The following SLITRK3 variants were observed in gnomAD, a reference collection of about 807,000 sequenced individuals.
SLITRK3 encodes the protein SLIT and NTRK-like protein 3.
In SLITRK3, 16 loss-of-function variants were observed where a neutral mutation model predicts 63.6. That is an observed-to-expected ratio of 0.25 (90% CI 0.17 to 0.38). The LOEUF (loss-of-function observed/expected upper bound fraction) is 0.38. Ranked by LOEUF, SLITRK3 falls within the 10% of genes least tolerant of loss-of-function variation. The pLI is 1.00. For missense variants in SLITRK3, 1,117 were observed against 1,181.4 expected, an observed-to-expected ratio of 0.95 and a Z score of 0.80; for synonymous variants, 547 against 451.6, an observed-to-expected ratio of 1.21 and a Z score of -2.68.
Position 165,189,317 on chromosome 3 carries a change from T to C in SLITRK3, c.1514A>G (p.Asn505Ser), listed in dbSNP as rs774822208. 15 of 1,614,074 alleles carry C rather than the reference T, an allele frequency of 9.3e-6. No homozygotes were observed. Among genetic ancestry groups the C allele is most frequent in the African/African-American group, 4.0e-5 (3 of 74,938 alleles). The change falls in exon 2 of 2, where the codon AAC (asparagine) becomes AGC (serine). Residue 505 changes from asparagine to serine, a missense_variant. Around this residue, in one of 4 missense-constraint regions of SLITRK3, gnomAD observed 158 missense variants for 197.2 expected, o/e 0.80. Transcript: ENST00000475390. This position sits in a 1 kb window ranked among gnomAD's most constrained non-coding sequence, Gnocchi z 4.0. ...ATTATTGAGGAATAGCAGCTTCAAG[T>C]TGGGCATGAGGCTGAAGGCTGCAGG... ...IQPAAFSLMP[N>S]LKLLFLNNNL...
intron 1 of SLITRK3, among the ~76,000 whole-genome samples, chr3:165,192,227 G>T (rs558133914): frequency 6.6e-6 from 1 of 151,922 alleles, no homozygotes; most frequent in African/African-American, 2.4e-5. Flanking sequence ...CATTACACTC[G>T]CCTATAATGT....
At position 165,188,957 on chromosome 3, in the gene SLITRK3, G is replaced by T. The variant is rs148619985; in HGVS notation, c.1874C>A (p.Ala625Asp). 235 of 1,614,020 alleles carry T rather than the reference G, an allele frequency of 1.5e-4. No individual in the cohort carries two copies. Among genetic ancestry groups the T allele is most frequent in the Non-Finnish European group, 1.9e-4 (220 of 1,180,010 alleles). The change falls in exon 2 of 2, where the codon GCC (alanine) becomes GAC (aspartate). Residue 625 changes from alanine (A) to aspartate (D), a missense_variant. Ala to Asp is a moderately radical substitution (Grantham distance 126). Coordinates refer to ENST00000475390, the MANE Select transcript of SLITRK3 (RefSeq NM_001318810.2). ...AATAAGGTGAGAATCTCCAGGCTGG[G>T]CTGGGGATTCTCCAGCTGGTGCAAC... Reference protein sequence around the residue: ...LHVAPAGESPAQPGDSHLIGA... With the variant: ...LHVAPAGESPDQPGDSHLIGA...
chr3:165,189,945 G>A lies in SLITRK3; in HGVS notation c.886C>T (p.Pro296Ser). 1.2e-6 allele frequency: 2 copies of A among 1,614,096 alleles called. No homozygotes were observed. Among genetic ancestry groups the A allele is most frequent in the Non-Finnish European group, 1.7e-6 (2 of 1,180,024 alleles). The change falls in exon 2 of 2, where the codon CCA becomes TCA. Residue 296 changes from proline to serine, a missense_variant. This residue lies in a region of SLITRK3 where 452 missense variants were observed against 495.3 expected (regional missense o/e 0.91). Coordinates refer to ENST00000475390, the MANE Select transcript of SLITRK3 (RefSeq NM_001318810.2). This position sits in a 1 kb window ranked among gnomAD's most constrained non-coding sequence, Gnocchi z 4.0. Reference sequence around the variant, plus strand: ...TTCTCCTTACTTGATGACGAATGTGGAATTCCCAAACTAGCCTCTACCTCA... The same window carrying A: ...TTCTCCTTACTTGATGACGAATGTGAAATTCCCAAACTAGCCTCTACCTCA... ...DSEVEASLGI[P>S]HSSSSKENAW...
intron 1 of SLITRK3, among the ~76,000 whole-genome samples, chr3:165,191,640 A>G (rs1274304801): frequency 6.6e-6 from 1 of 152,228 alleles, no homozygotes; most frequent in Non-Finnish European, 1.5e-5. Flanking sequence ...ATGCCCGTGC[A>G]ATTGTCAGAG....
intron 1 of SLITRK3, among the ~76,000 whole-genome samples, chr3:165,194,124 A>G (rs757964341): frequency 1.3e-5 from 2 of 152,158 alleles, no homozygotes; most frequent in African/African-American, 2.4e-5. Context: ...CCACCAGCAC[A>G]CACCAATCCT....
chr3:165,190,965 A>C, intron 1 of SLITRK3, 114 bp from the exon 2 acceptor site: 1 of 695,962 alleles, frequency 1.4e-6, no homozygotes, highest in Non-Finnish European at 2.3e-6. Flanking sequence ...CAATTGTTGA[A>C]GTGACACTCA....
rs564636566 is a variant in SLITRK3 at position 165,188,963 on chromosome 3, G to T, written c.1868C>A (p.Ser623Tyr). The change falls in exon 2 of 2, where the codon TCC (serine) becomes TAC (tyrosine). Residue 623 changes from serine to tyrosine, a missense_variant. Physicochemically the swap from Ser to Tyr is moderately radical, Grantham distance 144. Coordinates refer to ENST00000475390, the MANE Select transcript of SLITRK3 (RefSeq NM_001318810.2). ...GTGAGAATCTCCAGGCTGGGCTGGG[G>T]ATTCTCCAGCTGGTGCAACGTGCAG... ...EMLHVAPAGE[S>Y]PAQPGDSHLI... 1.2e-6 allele frequency: 2 copies of T among 1,614,030 alleles called. No homozygotes were observed. The highest frequency in any genetic ancestry group is 3.3e-5 in the Admixed American group (2 of 60,002).
Position 165,186,881 on chromosome 3 carries a change from G to A in SLITRK3, c.*1016C>T, listed in dbSNP as rs1008024272. The A allele has an allele frequency of 1.3e-5, 2 of 152,260 alleles. No individual in the cohort carries two copies. Among genetic ancestry groups the A allele is most frequent in the African/African-American group, 4.8e-5 (2 of 41,314 alleles). The allele number at this position is 152,260 out of a possible 1,614,324, so 9.4% of individuals were successfully genotyped here. On this transcript the variant is annotated 3_prime_UTR_variant, in exon 2 of 2. Transcript: ENST00000475390. ...GTGTGTGAGAGAGAAAACATTAAAA[G>A]TGCTTCCTACAAAGCTGTTAGTGAT...
rs778426053 is a variant in SLITRK3 at position 165,188,680 on chromosome 3, G to A, written c.2151C>T (p.Gly717=). ...TTGGTCGACCACCACCCCCACTTCC[G>A]CCACCACCACCTCCACCATCCTCAA... is the stretch of plus-strand genomic sequence containing the variant. The part of the protein sequence containing the change: ...RLFEDGGGGG[G]GSGGGGRPTL... Residue 717 remains glycine, a synonymous_variant, in exon 2 of 2, where the codon GGC becomes GGT. Coordinates refer to ENST00000475390, the MANE Select transcript of SLITRK3 (RefSeq NM_001318810.2). The A allele has an allele frequency of 3.0e-5, 49 of 1,613,682 alleles. No individual in the cohort carries two copies. Among genetic ancestry groups the A allele is most frequent in the African/African-American group, 9.4e-5 (7 of 74,826 alleles).
In SLITRK3 at chr3:165,189,148, C is replaced by T. The variant is rs1180810656; in HGVS notation, c.1683G>A (p.Glu561=). ...GGTCACAGGTGCAGTCCCAAGGATT[C>T]TCATTGAGGTCTATCTGGACAATGG... is the stretch of plus-strand genomic sequence containing the variant. ...LNAIVQIDLN[E]NPWDCTCDLV... Residue 561 remains glutamate, a synonymous_variant, in exon 2 of 2, where the codon GAG becomes GAA. Coordinates refer to ENST00000475390, the MANE Select transcript of SLITRK3 (RefSeq NM_001318810.2). The surrounding 1 kb of genome is among the most constrained non-coding windows in gnomAD (Gnocchi z 4.0). 5.0e-6 allele frequency: 8 copies of T among 1,614,070 alleles called. No individual in the cohort carries two copies. Among genetic ancestry groups the T allele is most frequent in the African/African-American group, 4.0e-5 (3 of 74,934 alleles).
upstream of SLITRK3, among the ~76,000 whole-genome samples, chr3:165,196,427 A>T (rs1414072457): frequency 3.0e-4 from 10 of 33,844 alleles, no homozygotes; most frequent in African/African-American, 1.1e-3. Context: ...GAGCGGGAGA[A>T]GGTGCGGGGG....
chr3:165,186,854 T>G lies in SLITRK3; in HGVS notation c.*1043A>C, dbSNP rs1037064338. ...ATATATGCACATTTCTTTTGAATCT[T>G]TGTGTGTGAGAGAGAAAACATTAAA... On this transcript the variant is annotated 3_prime_UTR_variant, in exon 2 of 2. Transcript: ENST00000475390. 2 of 152,540 alleles carry G rather than the reference T, an allele frequency of 1.3e-5. No individual in the cohort carries two copies. The highest frequency in any genetic ancestry group is 2.9e-5 in the Non-Finnish European group (2 of 68,034). 9.4% of individuals were successfully genotyped at this position (152,540 alleles called of 1,614,324 possible).
rs769731505 is a variant in SLITRK3, at chr3:165,188,848, C to G, written c.1983G>C (p.Leu661=). 9 of 1,614,146 alleles carry G rather than the reference C, an allele frequency of 5.6e-6. No individual in the cohort carries two copies. The highest frequency in any genetic ancestry group is 7.6e-6 in the Non-Finnish European group (9 of 1,180,020). Residue 661 remains leucine (L), a synonymous_variant, in exon 2 of 2, where the codon CTG becomes CTC. Coordinates refer to ENST00000475390, the MANE Select transcript of SLITRK3 (RefSeq NM_001318810.2). ...CAAAGACTGCTGAGAAAAACAGAAC[C>G]AGCAGGCTGAGAATTAACACAGAAA... is the stretch of plus-strand genomic sequence containing the variant. ...VPLSVLILSL[L]VLFFSAVFVA... is the part of the protein sequence containing the mutation.
chr3:165,190,948 A>T, intron 1 of SLITRK3, 97 bp from the exon 2 acceptor site: 1 of 842,018 alleles, frequency 1.2e-6, no homozygotes, highest in South Asian at 2.2e-5. Flanking sequence ...CTATATAAAA[A>T]CTTCAGCAAT....
upstream of SLITRK3, chr3:165,196,926 T>TCTCTCTCTCTCTCTCTCTCC (rs1560057640): frequency 3.2e-5 from 1 of 31,112 alleles, no homozygotes; most frequent in Non-Finnish European, 8.3e-5. Context: ...TCTCTCTCTC[T>TCTCTCTCTCTCTCTCTCTCC]CCTCTCTCTG....
At chr3:165,192,088 C>T (rs1238463313) in intron 1 of SLITRK3, among the ~76,000 whole-genome samples, 3 of 152,066 alleles carry the variant, frequency 2.0e-5, no homozygotes, top group Non-Finnish European at 4.4e-5. Context: ...TTTTAATCAA[C>T]AAAAATAAAC....
Position 165,187,848 on chromosome 3 carries a change from T to C in SLITRK3, c.*49A>G, listed in dbSNP as rs573209921. On this transcript the variant is annotated 3_prime_UTR_variant, in exon 2 of 2. Transcript: ENST00000475390. The stretch of plus-strand genomic sequence containing the variant: ...AGCAAGGGATATATTTCTTTTATTT[T>C]CCTTTTCTTTTGAAAAAAAAAAAGC... The C allele has an allele frequency of 5.4e-5, 78 of 1,439,238 alleles. 1 individual carries two copies. Among genetic ancestry groups the C allele is most frequent in the Non-Finnish European group, 7.2e-5 (76 of 1,058,212 alleles). 89.2% of individuals were successfully genotyped at this position (1,439,238 alleles called of 1,614,324 possible). A position where few individuals can be genotyped will look rare whatever the true frequency, so the allele number is the denominator to read the frequency against.
rs1403080811 is a variant in SLITRK3 at position 165,196,197 on chromosome 3, A to G, written c.-639T>C. On this transcript the variant is annotated 5_prime_UTR_variant, in exon 1 of 2. Transcript: ENST00000475390. ...GGGTGGGGAGAGGCGGAAAGGAGGCAGGAAGGGGGCGACTAGATCTCAGAT... is the reference window on the plus strand; with the variant it reads ...GGGTGGGGAGAGGCGGAAAGGAGGCGGGAAGGGGGCGACTAGATCTCAGAT... Among the ~76,000 whole-genome samples the G allele has an allele frequency of 6.7e-6, 1 of 149,122 alleles. No individual in the cohort carries two copies. Among genetic ancestry groups the G allele is most frequent in the Admixed American group, 6.7e-5 (1 of 14,962 alleles).
chr3:165,187,733 C>T lies in SLITRK3; in HGVS notation c.*164G>A, dbSNP rs1213859369. The T allele has an allele frequency of 3.5e-6, 2 of 568,914 alleles. No individual in the cohort carries two copies. The highest frequency in any genetic ancestry group is 6.1e-6 in the Non-Finnish European group (2 of 325,362). The allele number at this position is 568,914 out of a possible 1,614,324, so 35.2% of individuals were successfully genotyped here. ...ATCGCATCTGAGAGGGGAGAGCATA[C>T]ATCTGTATTCTCTAGTTATCATGCG... On this transcript the variant is annotated 3_prime_UTR_variant, in exon 2 of 2. Transcript: ENST00000475390.
Sources: gnomAD v4.1 joint callset for allele counts (sites outside exome capture counted in the v4.1 genomes callset) on GRCh38, gnomAD v4.1.1 for gene constraint, gnomAD v4.1.1 regional missense constraint, Gnocchi (gnomAD v3.1) non-coding constraint, MANE v1.5 for transcripts, NCBI Gene and HGNC (gene_info 2026-07-23, HGNC 2026-07-21) for gene names.